SLC6A15: variants seen among roughly 807,000 people sequenced by gnomAD.
The protein encoded by SLC6A15 is solute carrier family 6 member 15.
Under a neutral mutation model 68.5 loss-of-function variants are expected in SLC6A15, and 33 were observed. That is an observed-to-expected ratio of 0.48 (90% CI 0.37 to 0.64). The LOEUF (loss-of-function observed/expected upper bound fraction) is 0.64. Among genes scored for constraint, SLC6A15 ranks in the 30% least tolerant of loss-of-function variants. The pLI is 0.00. For missense variants in SLC6A15, 747 were observed against 874.3 expected, an observed-to-expected ratio of 0.85 and a Z score of 1.84; for synonymous variants, 347 against 301.0, an observed-to-expected ratio of 1.15 and a Z score of -1.58.
chr12:84,879,237 A>G (rs565224205), intron 5 of SLC6A15, among the ~76,000 whole-genome samples: 1 of 151,974 alleles, frequency 6.6e-6, no homozygotes, highest in Admixed American at 6.6e-5. Context: ...CTTCTCTTCA[A>G]CCATCGAACC....
chr12:84,869,653 C>T (rs1279659627), intron 9 of SLC6A15, among the ~76,000 whole-genome samples: 2 of 152,042 alleles, frequency 1.3e-5, no homozygotes, highest in African/African-American at 4.8e-5. Flanking sequence ...TAGCTATCCT[C>T]TGACCCTTGA....
rs754852700 is a variant in SLC6A15 at position 84,861,936 on chromosome 12, A to G, written c.1889T>C (p.Ile630Thr). 3.7e-6 allele frequency: 6 copies of G among 1,613,772 alleles called. No homozygotes were observed. The Admixed American group carries it at 1.0e-4, about 27-fold the overall frequency. The change falls in exon 12 of 12, where the codon ATA (isoleucine) becomes ACA (threonine). Residue 630 changes from isoleucine to threonine, a missense_variant. By Grantham distance (89) the Ile-to-Thr change is moderately conservative. Transcript: ENST00000266682. The stretch of plus-strand genomic sequence containing the variant: ...AATGAAAACTACAGGGACTGGGAGT[A>G]TTGCAAAGACAACCAGAGAGACACA... Reference protein sequence around the residue: ...VVCVSLVVFAILPVPVVFIVR... With the variant: ...VVCVSLVVFATLPVPVVFIVR...
At chr12:84,905,558 T>C (rs1873103169) in intron 1 of SLC6A15, among the ~76,000 whole-genome samples, 1 of 152,166 alleles carries the variant, frequency 6.6e-6, no homozygotes, top group Non-Finnish European at 1.5e-5. Context: ...AGTAGTGGCA[T>C]AAGGCAAGAA....
At chr12:84,910,038 T>C (rs896031426) in intron 1 of SLC6A15, among the ~76,000 whole-genome samples, 6 of 152,186 alleles carry the variant, frequency 3.9e-5, no homozygotes, top group South Asian at 2.1e-4. Context: ...CATCTGATTA[T>C]TGGCATCTCT....
intron 1 of SLC6A15, among the ~76,000 whole-genome samples, chr12:84,892,880 T>C (rs1409954257): frequency 6.6e-6 from 1 of 152,196 alleles, no homozygotes; most frequent in Non-Finnish European, 1.5e-5. Context: ...CTGCAGCCTG[T>C]ACCTCTCCCA....
chr12:84,894,761 G>A (rs1872566933), intron 1 of SLC6A15, among the ~76,000 whole-genome samples: 1 of 151,946 alleles, frequency 6.6e-6, no homozygotes, highest in Non-Finnish European at 1.5e-5. Context: ...CTTTGGCAAA[G>A]TTTACACTCA....
chr12:84,900,887 TG>T, intron 1 of SLC6A15, among the ~76,000 whole-genome samples: 1 of 131,038 alleles, frequency 7.6e-6, no homozygotes, highest in South Asian at 2.3e-4. Flanking sequence ...GGAAAGTGGG[TG>T]TATATATGTG....
chr12:84,881,399 C>T (rs1565725730), intron 5 of SLC6A15: 1 of 957,056 alleles, frequency 1.0e-6, no homozygotes, highest in African/African-American at 1.8e-5. Context: ...CACAAAGCAG[C>T]CCTATTCTTC....
chr12:84,898,693 C>T (rs2120706430), intron 1 of SLC6A15, among the ~76,000 whole-genome samples: 1 of 152,268 alleles, frequency 6.6e-6, no homozygotes, highest in Admixed American at 6.5e-5. Flanking sequence ...TATATTCTCT[C>T]TTTTATTACT....
At chr12:84,867,220 T>C in intron 9 of SLC6A15, 27 bp from the exon 10 acceptor site, 1 of 1,553,814 alleles carries the variant, frequency 6.4e-7, no homozygotes, top group Non-Finnish European at 8.7e-7. Flanking sequence ...AATGAAAAAA[T>C]GAGACTCTAT....
At chr12:84,883,223 A>G in intron 5 of SLC6A15, 1 of 985,178 alleles carries the variant, frequency 1.0e-6, no homozygotes, top group South Asian at 4.7e-5. Context: ...CGTCCTTTAA[A>G]AATAATAACA....
chr12:84,864,745 C>T (rs949441133), intron 10 of SLC6A15, among the ~76,000 whole-genome samples: 1 of 152,148 alleles, frequency 6.6e-6, no homozygotes, highest in Non-Finnish European at 1.5e-5. Context: ...CTTTGAAGAC[C>T]AAGAGACCTC....
At chr12:84,884,308 T>C (rs1474487245) in intron 4 of SLC6A15, among the ~76,000 whole-genome samples, 1 of 152,104 alleles carries the variant, frequency 6.6e-6, no homozygotes, top group East Asian at 1.9e-4. Context: ...TTTTATTTTA[T>C]TTTATTTTTA....
intron 6 of SLC6A15, 46 bp downstream of exon 6, chr12:84,876,451 T>A (rs1360855729): frequency 5.2e-6 from 5 of 958,806 alleles, no homozygotes; most frequent in Non-Finnish European, 8.0e-6. Context: ...ACAATAAACA[T>A]AATGCTTTCA....
At position 84,861,932 on chromosome 12, in the gene SLC6A15, G is replaced by T. The variant is rs149254147; in HGVS notation, c.1893C>A (p.Leu631=). Residue 631 remains leucine (L), a synonymous_variant, in exon 12 of 12, where the codon CTC becomes CTA. Transcript: ENST00000266682. The part of the protein sequence containing the change: ...VCVSLVVFAI[L]PVPVVFIVRR... ...GAACAATGAAAACTACAGGGACTGG[G>T]AGTATTGCAAAGACAACCAGAGAGA... 6.2e-7 allele frequency: 1 copy of T among 1,613,810 alleles called. No homozygotes were observed. Among genetic ancestry groups the T allele is most frequent in the East Asian group, 2.2e-5 (1 of 44,882 alleles).
Position 84,859,704 on chromosome 12 carries a change from G to T in SLC6A15, c.*1928C>A, listed in dbSNP as rs911972676. On this transcript the variant is annotated 3_prime_UTR_variant, in exon 12 of 12. Coordinates refer to ENST00000266682, the MANE Select transcript of SLC6A15 (RefSeq NM_182767.6). ...GATTAGGGTACCATATAAAAATATT[G>T]CCTCAACACAAAAATAAACAAAATT... is the stretch of plus-strand genomic sequence containing the variant. The T allele has an allele frequency of 6.6e-6, 1 of 151,714 alleles. No individual in the cohort carries two copies. Among genetic ancestry groups the T allele is most frequent in the African/African-American group, 2.4e-5 (1 of 41,360 alleles). The allele number at this position is 151,714 out of a possible 1,614,324, so 9.4% of individuals were successfully genotyped here.
chr12:84,869,643 T>C (rs1871206731), intron 9 of SLC6A15, among the ~76,000 whole-genome samples: 1 of 152,152 alleles, frequency 6.6e-6, no homozygotes, highest in African/African-American at 2.4e-5. Flanking sequence ...GTATGTTTAC[T>C]AGCTATCCTC....
chr12:84,890,572 G>A (rs1026888692), intron 2 of SLC6A15, among the ~76,000 whole-genome samples: 3 of 152,170 alleles, frequency 2.0e-5, no homozygotes, highest in African/African-American at 7.2e-5. Context: ...TGCACAGTGC[G>A]TCACTGACTC....
At chr12:84,902,841 G>C (rs929777771) in intron 1 of SLC6A15, among the ~76,000 whole-genome samples, 2 of 152,110 alleles carry the variant, frequency 1.3e-5, no homozygotes, top group East Asian at 3.8e-4. Flanking sequence ...TGAAGAGTTA[G>C]GGATGGAGAG....
Sources: allele counts gnomAD v4.1 joint callset (sites outside exome capture counted in the v4.1 genomes callset), GRCh38; gene constraint gnomAD v4.1.1; transcripts MANE v1.5; gene names NCBI Gene and HGNC (gene_info 2026-07-23, HGNC 2026-07-21).